The following GPC5 variants were observed in gnomAD, a reference collection of about 807,000 sequenced individuals.
GPC5 encodes glypican 5.
A neutral mutation model predicts 53.9 loss-of-function variants in GPC5; 47 were observed. That is an observed-to-expected ratio of 0.87 (90% CI 0.69 to 1.11). GPC5 has a LOEUF of 1.11. Ranked by LOEUF, GPC5 falls within the 50% of genes most tolerant of loss-of-function variation. The probability of loss-of-function intolerance (pLI) is 0.00; values close to 1 mark genes in which losing one functional copy is unlikely to be tolerated. For missense variants in GPC5, 748 were observed against 713.1 expected (o/e 1.05, Z -0.56); for synonymous variants, 286 against 263.3 (o/e 1.09, Z -0.84).
At chr13:91,670,264 T>C (rs764391576) in intron 2 of GPC5, among the ~76,000 whole-genome samples, 11 of 152,140 alleles carry the variant, frequency 7.2e-5, no homozygotes, top group East Asian at 3.9e-4. Context: ...TACATAGCAG[T>C]GTTTGGCAAT....
At chr13:92,394,916 G>C in intron 7 of GPC5, among the ~76,000 whole-genome samples, 1 of 152,010 alleles carries the variant, frequency 6.6e-6, no homozygotes, top group East Asian at 1.9e-4. Flanking sequence ...TGCTTTGCAG[G>C]AATTATTTTA....
At chr13:92,596,954 T>C (rs9589595) in intron 7 of GPC5, among the ~76,000 whole-genome samples, 12,297 of 152,206 alleles carry the variant, frequency 0.081, 1,557 homozygotes, top group African/African-American at 0.27. Context: ...GCCCTGAAGG[T>C]GACCAGCAGC....
At chr13:91,793,786 C>T (rs1162542915) in intron 5 of GPC5, among the ~76,000 whole-genome samples, 1 of 152,086 alleles carries the variant, frequency 6.6e-6, no homozygotes, top group Admixed American at 6.6e-5. Context: ...TGAATGCAAG[C>T]AGGGGAAATG....
intron 7 of GPC5, among the ~76,000 whole-genome samples, chr13:92,630,762 GC>G (rs1251219038): frequency 6.6e-6 from 1 of 152,062 alleles, no homozygotes; most frequent in African/African-American, 2.4e-5. Context: ...CCATATGCTG[GC>G]CTCTGGTGTC....
At chr13:91,425,646 T>C (rs1878990500) in intron 1 of GPC5, among the ~76,000 whole-genome samples, 1 of 152,246 alleles carries the variant, frequency 6.6e-6, no homozygotes, top group African/African-American at 2.4e-5. Context: ...TTAAACTTCT[T>C]TTCTTTATAA....
At chr13:91,895,379 A>G (rs533588531) in intron 5 of GPC5, among the ~76,000 whole-genome samples, 2 of 152,348 alleles carry the variant, frequency 1.3e-5, no homozygotes, top group South Asian at 4.1e-4. Flanking sequence ...TGGCTTATAA[A>G]GAAAAAATGA....
chr13:91,821,055 A>G (rs2038487353), intron 5 of GPC5, among the ~76,000 whole-genome samples: 1 of 152,034 alleles, frequency 6.6e-6, no homozygotes, highest in African/African-American at 2.4e-5. Flanking sequence ...GAAATGTGTT[A>G]TGGTTTTGGG....
intron 3 of GPC5, among the ~76,000 whole-genome samples, chr13:91,708,399 A>T (rs1228437229): frequency 6.7e-6 from 1 of 148,766 alleles, no homozygotes; most frequent in Non-Finnish European, 1.5e-5. Context: ...TTACTTTAAC[A>T]CGGTTTGTGA....
At chr13:92,477,646 G>A (rs901528519) in intron 7 of GPC5, among the ~76,000 whole-genome samples, 1 of 151,840 alleles carries the variant, frequency 6.6e-6, no homozygotes, top group Non-Finnish European at 1.5e-5. Flanking sequence ...CCTGCCCCAT[G>A]TAAAGAAGTA....
intron 7 of GPC5, among the ~76,000 whole-genome samples, chr13:92,401,001 C>T (rs1273362893): frequency 6.6e-6 from 1 of 151,828 alleles, no homozygotes; most frequent in Non-Finnish European, 1.5e-5. Context: ...CCTTTGATTT[C>T]AAAATACCCC....
intron 7 of GPC5, chr13:92,241,671 G>T (rs2042612501): frequency 6.6e-6 from 1 of 152,124 alleles, no homozygotes; most frequent in Non-Finnish European, 1.5e-5. Context: ...ACTTACAAGT[G>T]AGTTTTGATA....
chr13:91,968,801 C>T (rs2040214063), intron 6 of GPC5, among the ~76,000 whole-genome samples: 1 of 152,026 alleles, frequency 6.6e-6, no homozygotes, highest in Non-Finnish European at 1.5e-5. Flanking sequence ...TGCCATACCA[C>T]TGTGCTATTG....
rs752492577 is a variant in GPC5, at chr13:92,797,863, AGATAGAT to A, written c.1562-68404_1562-68398del. ...TAGATAGATAGATAGATAGATAGAT[AGATAGAT>A]GATAGATGATAGATAGTAGAGATAA... is the stretch of plus-strand genomic sequence containing the variant. On this transcript the variant is annotated intron_variant, in intron 7 of 7. Transcript: ENST00000377067. Among the ~76,000 whole-genome samples the A allele has an allele frequency of 2.8e-4, 40 of 141,082 alleles. 2 individuals carry two copies. The highest frequency in any genetic ancestry group is 5.3e-4 in the African/African-American group (20 of 37,878). The allele number at this position is 141,082 out of a possible 152,430, so 92.6% of individuals were successfully genotyped here. A position where few individuals can be genotyped will look rare whatever the true frequency, so the allele number is the denominator to read the frequency against.
intron 6 of GPC5, among the ~76,000 whole-genome samples, chr13:92,103,717 C>T (rs2041484579): frequency 6.6e-6 from 1 of 152,180 alleles, no homozygotes; most frequent in Admixed American, 6.5e-5. Context: ...ATTTAGCAAG[C>T]ATTTCTGAGT....
intron 7 of GPC5, among the ~76,000 whole-genome samples, chr13:92,297,332 G>T (rs898650057): frequency 1.3e-5 from 2 of 150,534 alleles, no homozygotes; most frequent in Admixed American, 6.6e-5. Context: ...CTAGCTCAAG[G>T]TTTGTAAACA....
At chr13:92,470,782 G>A (rs1031454541) in intron 7 of GPC5, among the ~76,000 whole-genome samples, 6 of 152,158 alleles carry the variant, frequency 3.9e-5, no homozygotes, top group African/African-American at 9.7e-5. Flanking sequence ...TCCTATTAAC[G>A]TGGGTGTAAA....
At chr13:92,606,911 C>T (rs540982312) in intron 7 of GPC5, among the ~76,000 whole-genome samples, 3 of 152,130 alleles carry the variant, frequency 2.0e-5, no homozygotes, top group South Asian at 2.1e-4. Flanking sequence ...ACTCCACATG[C>T]GCTTTGCCCC....
At chr13:92,161,348 A>C (rs772136255) in intron 7 of GPC5, among the ~76,000 whole-genome samples, 13 of 152,204 alleles carry the variant, frequency 8.5e-5, no homozygotes, top group Non-Finnish European at 1.8e-4. Context: ...TCCCTGCCAC[A>C]GTGCCTCCAA....
intron 5 of GPC5, among the ~76,000 whole-genome samples, chr13:91,865,893 G>A (rs2039078145): frequency 6.6e-6 from 1 of 152,014 alleles, no homozygotes; most frequent in African/African-American, 2.4e-5. Context: ...TTGAGATTGA[G>A]TTTCACTCTT....
Sources: allele counts gnomAD v4.1 joint callset (sites outside exome capture counted in the v4.1 genomes callset), GRCh38; gene constraint gnomAD v4.1.1; transcripts MANE v1.5; gene names NCBI Gene and HGNC (gene_info 2026-07-23, HGNC 2026-07-21).